The following FRMPD4 variants were observed in gnomAD, a reference collection of about 807,000 sequenced individuals.
The protein encoded by FRMPD4 is FERM and PDZ domain containing 4.
A neutral mutation model predicts 94.1 loss-of-function variants in FRMPD4; 22 were observed. The ratio of observed to expected loss-of-function variants is 0.23; its 90% CI spans 0.17 to 0.33. FRMPD4 has a LOEUF of 0.33. FRMPD4 is among the 10% of genes least tolerant of loss of function. FRMPD4 has a pLI of 1.00. For synonymous variants in FRMPD4, 631 were observed against 548.6 expected, an observed-to-expected ratio of 1.15 and a Z score of -2.10; for missense variants, 1,111 against 1,339.9, an observed-to-expected ratio of 0.83 and a Z score of 2.67.
At position 11,942,228 on chromosome X, in the gene FRMPD4, CT is replaced by C. The variant is rs560019319; in HGVS notation, c.95+64230del. 6.3e-3 allele frequency among the ~76,000 whole-genome samples: 495 copies of C among 79,076 alleles called. 1 individual carries two copies. The highest frequency in any genetic ancestry group is 0.03 in the Admixed American group (198 of 6,597). The allele number at this position is 79,076 out of a possible 115,157, so 68.7% of individuals were successfully genotyped here. A position where few individuals can be genotyped will look rare whatever the true frequency, so the allele number is the denominator to read the frequency against. On this transcript the variant is annotated intron_variant, in intron 3 of 18. Transcript: ENST00000640291. ...CAATTATGTTGATTGTTTTTCTTTC[CT>C]TTTTTTTTTTTTTTTTTTTGAGAGA... is the stretch of plus-strand genomic sequence containing the variant.
chrX:12,127,015 G>T (rs1359442677), intron 3 of FRMPD4, among the ~76,000 whole-genome samples: 2 of 112,068 alleles, frequency 1.8e-5, no homozygotes, highest in East Asian at 5.6e-4. Context: ...AAAATGGTAG[G>T]TCCATGGTGT....
intron 3 of FRMPD4, among the ~76,000 whole-genome samples, chrX:12,003,252 C>T (rs1045526890): frequency 9.0e-6 from 1 of 111,521 alleles, no homozygotes; most frequent in Non-Finnish European, 1.9e-5. Context: ...ATTTTTTAAA[C>T]CTTGATTTCT....
At chrX:11,829,290 T>C (rs778353518) in intron 1 of FRMPD4, among the ~76,000 whole-genome samples, 1 of 112,231 alleles carries the variant, frequency 8.9e-6, no homozygotes, top group Admixed American at 9.4e-5. Context: ...TCATAGTATA[T>C]ATAATATACT....
chrX:12,715,998 G>GCCGGGGCCCC, intron 14 of FRMPD4, 71 bp from the exon 15 acceptor site: 2 of 383,857 alleles, frequency 5.2e-6, no homozygotes, highest in Non-Finnish European at 9.4e-6. Context: ...ACAGAGACGA[G>GCCGGGGCCCC]CCTCCCACCC....
intron 3 of FRMPD4, among the ~76,000 whole-genome samples, chrX:12,094,728 C>A (rs769822513): frequency 8.9e-6 from 1 of 112,502 alleles, no homozygotes; most frequent in African/African-American, 3.2e-5. Context: ...ATAACACAGA[C>A]ATGACCGACA....
intron 3 of FRMPD4, among the ~76,000 whole-genome samples, chrX:11,914,618 C>T (rs982602755): frequency 3.3e-4 from 37 of 111,984 alleles, no homozygotes; most frequent in Admixed American, 1.9e-4. Context: ...GCTATAATCC[C>T]TTGAATTATT....
chrX:12,648,326 G>A (rs1045442367), intron 4 of FRMPD4, among the ~76,000 whole-genome samples: 1 of 111,464 alleles, frequency 9.0e-6, no homozygotes, highest in African/African-American at 3.3e-5. Context: ...ATGCATCCCT[G>A]CCTGTAGTCC....
Position 12,721,153 on chromosome X carries a change from C to T in FRMPD4, c.4584C>T (p.Val1528=). 2 of 755,793 alleles carry T rather than the reference C, an allele frequency of 2.6e-6. No individual in the cohort carries two copies. Among genetic ancestry groups the T allele is most frequent in the Non-Finnish European group, 3.1e-6 (2 of 639,076 alleles). 62.3% of individuals were successfully genotyped at this position (755,793 alleles called of 1,213,427 possible). A position where few individuals can be genotyped will look rare whatever the true frequency, so the allele number is the denominator to read the frequency against. The change falls in exon 17 of 17, where the codon GTC becomes GTT. Residue 1528 remains valine (V), a synonymous_variant. Coordinates refer to ENST00000675598, the MANE Select transcript of FRMPD4 (RefSeq NM_001368397.1). ...EEERGEATVQ[V]SCLYRPQMTQ... is the part of the protein sequence containing the mutation. Reference sequence around the variant, plus strand: ...AGAGGGGAGAGGCCACCGTCCAGGTCTCTTGCCTCTATAGACCACAGATGA... The same window carrying T: ...AGAGGGGAGAGGCCACCGTCCAGGTTTCTTGCCTCTATAGACCACAGATGA...
chrX:12,342,228 G>C (rs1002937724), intron 1 of FRMPD4, among the ~76,000 whole-genome samples: 3 of 112,072 alleles, frequency 2.7e-5, no homozygotes, highest in African/African-American at 9.7e-5. Flanking sequence ...ATCTAAAAGA[G>C]GAAGGCATAT....
At chrX:11,846,772 C>T (rs771717752) in intron 1 of FRMPD4, among the ~76,000 whole-genome samples, 1 of 109,737 alleles carries the variant, frequency 9.1e-6, no homozygotes, top group South Asian at 3.8e-4. Flanking sequence ...GAAAAACAAG[C>T]AATGGGGAAA....
intron 1 of FRMPD4, among the ~76,000 whole-genome samples, chrX:12,185,069 A>G (rs1285280013): frequency 1.8e-5 from 2 of 111,756 alleles, no homozygotes; most frequent in Non-Finnish European, 3.8e-5. Context: ...TGTGATTTTT[A>G]TGGACTGCAT....
At chrX:12,681,727 A>G (rs1475098296) in intron 5 of FRMPD4, among the ~76,000 whole-genome samples, 1 of 110,594 alleles carries the variant, frequency 9.0e-6, no homozygotes, top group Non-Finnish European at 1.9e-5. Context: ...ACGCACGCAC[A>G]CACACGCACC....
chrX:12,664,672 G>A (rs1227140033), intron 4 of FRMPD4, among the ~76,000 whole-genome samples: 1 of 111,674 alleles, frequency 9.0e-6, no homozygotes, highest in Non-Finnish European at 1.9e-5. Flanking sequence ...CTCTTCTTTT[G>A]TTGTGTCTCT....
intron 3 of FRMPD4, among the ~76,000 whole-genome samples, chrX:12,084,082 A>C (rs1331381968): frequency 9.7e-6 from 1 of 103,325 alleles, no homozygotes; most frequent in Admixed American, 1.1e-4. Context: ...TGGAGGGGCC[A>C]GGGGGCAGAA....
intron 3 of FRMPD4, among the ~76,000 whole-genome samples, chrX:11,893,874 A>G (rs1223401437): frequency 1.8e-5 from 2 of 112,002 alleles, no homozygotes; most frequent in Non-Finnish European, 3.8e-5. Context: ...ATTTTGTAGC[A>G]CACACATCTT....
chrX:12,454,762 C>G (rs1352897453), intron 1 of FRMPD4, among the ~76,000 whole-genome samples: 1 of 106,502 alleles, frequency 9.4e-6, no homozygotes, highest in Non-Finnish European at 1.9e-5. Flanking sequence ...TTTTCAGAGA[C>G]AATGAGTTCA....
intron 1 of FRMPD4, among the ~76,000 whole-genome samples, chrX:12,337,501 A>G: frequency 8.9e-6 from 1 of 112,328 alleles, no homozygotes; most frequent in Non-Finnish European, 1.9e-5. Context: ...GTAATGAAGT[A>G]TACTTTTATG....
chrX:12,635,834 C>G (rs7879491), intron 4 of FRMPD4, among the ~76,000 whole-genome samples: 49,988 of 110,601 alleles, frequency 0.45, 8,499 homozygotes, highest in Non-Finnish European at 0.53. Flanking sequence ...AAGTTGTGAA[C>G]AGAATCATAG....
intron 1 of FRMPD4, among the ~76,000 whole-genome samples, chrX:12,481,813 A>G (rs2057684659): frequency 9.5e-6 from 1 of 105,319 alleles, no homozygotes; most frequent in Non-Finnish European, 2.0e-5. Context: ...GTGGTGGCGT[A>G]CACCTGTAGT....
Sources: allele counts gnomAD v4.1 joint callset (sites outside exome capture counted in the v4.1 genomes callset), GRCh38; gene constraint gnomAD v4.1.1; transcripts MANE v1.5; gene names NCBI Gene and HGNC (gene_info 2026-07-23, HGNC 2026-07-21).